The following MAPK10 variants were observed in gnomAD, a reference collection of about 807,000 sequenced individuals.
MAPK10 encodes JNK3 alpha protein kinase.
Under a neutral mutation model 59.3 loss-of-function variants are expected in MAPK10, and 25 were observed. That is an observed-to-expected ratio of 0.42 (90% CI 0.31 to 0.59). The LOEUF (loss-of-function observed/expected upper bound fraction) is 0.59, where lower values mean the gene tolerates loss of function less well. MAPK10 is among the 20% of genes least tolerant of loss of function. The pLI, the probability that MAPK10 is intolerant of heterozygous loss-of-function variation, is 0.15. For missense variants in MAPK10, 351 were observed against 568.9 expected (o/e 0.62, Z 3.90); for synonymous variants, 190 against 200.5 (o/e 0.95, Z 0.44).
At chr4:86,333,276 T>A (rs1447539836) in intron 2 of MAPK10, among the ~76,000 whole-genome samples, 1 of 152,166 alleles carries the variant, frequency 6.6e-6, no homozygotes, top group African/African-American at 2.4e-5. Context: ...CTGATAGGCA[T>A]CAAACCAATT....
At chr4:86,200,230 C>T (rs77913324) in intron 2 of MAPK10, among the ~76,000 whole-genome samples, 2,614 of 151,954 alleles carry the variant, frequency 0.017, 100 homozygotes, top group African/African-American at 0.059. Flanking sequence ...CATTCTTAAG[C>T]GTACAGGTGG....
chr4:86,569,418 C>T (rs747317094), intron 1 of MAPK10, among the ~76,000 whole-genome samples: 1 of 152,106 alleles, frequency 6.6e-6, no homozygotes, highest in Non-Finnish European at 1.5e-5. Context: ...AAAAACAGAA[C>T]TGCCATTTGA....
At chr4:86,399,594 C>A (rs1296155829) in intron 1 of MAPK10, among the ~76,000 whole-genome samples, 7 of 151,854 alleles carry the variant, frequency 4.6e-5, no homozygotes. Context: ...ATTTTGAGGG[C>A]AAGAATTGCA....
intron 2 of MAPK10, among the ~76,000 whole-genome samples, chr4:86,247,272 CT>C (rs1277586726): frequency 2.6e-5 from 4 of 152,186 alleles, no homozygotes; most frequent in Non-Finnish European, 5.9e-5. Context: ...TCACTTTCTT[CT>C]ACTCAAAAGC....
chr4:86,348,367 G>A (rs1192189389), intron 2 of MAPK10, among the ~76,000 whole-genome samples: 1 of 152,150 alleles, frequency 6.6e-6, no homozygotes, highest in Non-Finnish European at 1.5e-5. Flanking sequence ...TCAGGCTCAA[G>A]TGAACTAGGA....
intron 1 of MAPK10, among the ~76,000 whole-genome samples, chr4:86,460,758 G>C (rs968910447): frequency 6.6e-6 from 1 of 152,244 alleles, no homozygotes; most frequent in African/African-American, 2.4e-5. Flanking sequence ...ACATGTTCCT[G>C]CTGCAGTTAA....
At chr4:86,078,246 CA>C (rs762473732) in intron 9 of MAPK10, among the ~76,000 whole-genome samples, 18 of 152,152 alleles carry the variant, frequency 1.2e-4, no homozygotes, top group Non-Finnish European at 2.5e-4. Context: ...TTTTATGACA[CA>C]AATTAGAATA....
chr4:86,013,700 T>TAC lies in MAPK10; in HGVS notation c.*3527_*3528insGT, dbSNP rs1742157934. 6.6e-6 allele frequency: 1 copy of TAC among 152,204 alleles called. No homozygotes were observed. Among genetic ancestry groups the TAC allele is most frequent in the Admixed American group, 6.5e-5 (1 of 15,270 alleles). The allele number at this position is 152,204 out of a possible 1,614,324, so 9.4% of individuals were successfully genotyped here. ...CCAACTTTCAGTTTTACCAGTCAGC[T>TAC]GCTATCAGTGTCTTTAGATAATATT... On this transcript the variant is annotated 3_prime_UTR_variant, in exon 14 of 14. Coordinates refer to ENST00000641462, the MANE Select transcript of MAPK10 (RefSeq NM_138982.4).
At chr4:86,216,273 G>T (rs2087539791) in intron 2 of MAPK10, among the ~76,000 whole-genome samples, 2 of 133,194 alleles carry the variant, frequency 1.5e-5, no homozygotes, top group South Asian at 2.3e-4. Context: ...TATATATATA[G>T]CACACACACA....
At chr4:86,568,051 A>C (rs75157289) in intron 1 of MAPK10, among the ~76,000 whole-genome samples, 7,123 of 152,252 alleles carry the variant, frequency 0.047, 218 homozygotes, top group African/African-American at 0.059. Context: ...AGAACCCTGA[A>C]GACTCCTCCA....
chr4:86,536,744 TTGATA>T (rs1233057353), intron 1 of MAPK10, among the ~76,000 whole-genome samples: 3 of 152,236 alleles, frequency 2.0e-5, no homozygotes, highest in African/African-American at 7.2e-5. Context: ...AAATGATGAT[TTGATA>T]TAAGTAAAAT....
At chr4:86,314,457 C>T (rs545328885) in intron 2 of MAPK10, among the ~76,000 whole-genome samples, 7 of 152,220 alleles carry the variant, frequency 4.6e-5, no homozygotes, top group African/African-American at 1.7e-4. Context: ...TTGCATCTTC[C>T]TCATTTTCTC....
chr4:86,139,840 AAAAC>A (rs2063204708), intron 4 of MAPK10, among the ~76,000 whole-genome samples: 2 of 149,978 alleles, frequency 1.3e-5, no homozygotes, highest in South Asian at 4.2e-4. Context: ...TTACAAGAAA[AAAAC>A]AAACAACCCC....
intron 1 of MAPK10, among the ~76,000 whole-genome samples, chr4:86,566,493 C>T (rs1565051191): frequency 6.6e-6 from 1 of 152,120 alleles, no homozygotes; most frequent in Non-Finnish European, 1.5e-5. Flanking sequence ...GCAGGTGGAT[C>T]ACCTGAGGTC....
At chr4:86,476,179 C>G (rs535699063) in intron 1 of MAPK10, among the ~76,000 whole-genome samples, 30 of 152,192 alleles carry the variant, frequency 2.0e-4, no homozygotes, top group African/African-American at 7.2e-4. Context: ...CCAAGCATTG[C>G]TGAGTCTTTC....
At chr4:86,544,066 G>T (rs930177018) in intron 1 of MAPK10, among the ~76,000 whole-genome samples, 2 of 152,306 alleles carry the variant, frequency 1.3e-5, no homozygotes, top group African/African-American at 4.8e-5. Context: ...TGCTCATGTG[G>T]AGGGAGAGAA....
rs1220013017 is a variant in MAPK10 at position 86,011,143 on chromosome 4, C to G, written c.*6085G>C. The G allele has an allele frequency of 2.0e-5, 3 of 152,216 alleles. 1 individual carries two copies. Among genetic ancestry groups the G allele is most frequent in the Admixed American group, 1.3e-4 (2 of 15,280 alleles). The allele number at this position is 152,216 out of a possible 1,614,324, so 9.4% of individuals were successfully genotyped here. A position where few individuals can be genotyped will look rare whatever the true frequency, so the allele number is the denominator to read the frequency against. ...TCATGTGTCTGAGAAATATAAATTT[C>G]TACAGCACATTTTTAGTGCCTTAAA... On this transcript the variant is annotated 3_prime_UTR_variant, in exon 14 of 14. Coordinates refer to ENST00000641462, the MANE Select transcript of MAPK10 (RefSeq NM_138982.4).
chr4:86,416,497 C>G (rs950377358), intron 1 of MAPK10, among the ~76,000 whole-genome samples: 22 of 152,166 alleles, frequency 1.4e-4, no homozygotes, highest in Admixed American at 1.4e-3. Context: ...AAACACAGAT[C>G]TTGTGGAAAA....
At chr4:86,085,018 A>G (rs2051465547) in intron 9 of MAPK10, among the ~76,000 whole-genome samples, 1 of 152,204 alleles carries the variant, frequency 6.6e-6, no homozygotes, top group African/African-American at 2.4e-5. Flanking sequence ...CCTTCAATAA[A>G]TGGTGTGGAA....
Sources: allele counts gnomAD v4.1 joint callset (sites outside exome capture counted in the v4.1 genomes callset), GRCh38; gene constraint gnomAD v4.1.1; transcripts MANE v1.5; gene names NCBI Gene and HGNC (gene_info 2026-07-23, HGNC 2026-07-21).